Variants in LCN9 observed in about 807,000 individuals in gnomAD.
The protein encoded by LCN9 is lipocalin 9, also known as epididymal-specific lipocalin-9.
In LCN9, 22 loss-of-function variants were observed where a neutral mutation model predicts 18.5. The observed-to-expected ratio is 1.19, with a 90% CI of 0.85 to 1.70. LCN9 has a LOEUF of 1.70. LCN9 is among the 40% of genes most tolerant of loss of function. The pLI, the probability that LCN9 is intolerant of heterozygous loss-of-function variation, is 0.00. For synonymous variants in LCN9, 89 were observed against 83.0 expected (o/e 1.07, Z -0.39); for missense variants, 202 against 201.3 (o/e 1.00, Z -0.02).
chr9:135,665,323 A>G lies in LCN9; in HGVS notation c.386A>G (p.Asn129Ser), dbSNP rs1834199932. 6 of 1,593,580 alleles carry G rather than the reference A, an allele frequency of 3.8e-6. No individual in the cohort carries two copies. The highest frequency in any genetic ancestry group is 5.1e-6 in the Non-Finnish European group (6 of 1,171,304). The stretch of plus-strand genomic sequence containing the variant: ...ACCTTCCACCTCCAGAACTTCAGGA[A>G]CGGGACCGAGACCCACACGCTGGCG... The change falls in exon 4 of 6, where the codon AAC (asparagine) becomes AGC (serine). Residue 129 changes from asparagine to serine, a missense_variant. By Grantham distance (46) the Asn-to-Ser change is conservative. Transcript: ENST00000619315. This position sits in a 1 kb window ranked among gnomAD's most constrained non-coding sequence, Gnocchi z 5.9.
rs117500460 is a variant in LCN9 at position 135,664,386 on chromosome 9, G to A, written c.233+88G>A. ...CTCTCACTCTTGCACACACACGCTC[G>A]CACACTCACTGACTTGCACTCTGGT... On this transcript the variant is annotated intron_variant, in intron 2 of 5. Coordinates refer to ENST00000619315, the Ensembl canonical transcript of LCN9. This position sits in a 1 kb window ranked among gnomAD's most constrained non-coding sequence, Gnocchi z 4.5. 3.2e-3 allele frequency: 4,829 copies of A among 1,508,040 alleles called. 4 individuals carry two copies. The highest frequency in any genetic ancestry group is 3.7e-3 in the Non-Finnish European group (4,012 of 1,096,754). 93.4% of individuals were successfully genotyped at this position (1,508,040 alleles called of 1,614,324 possible). A position where few individuals can be genotyped will look rare whatever the true frequency, so the allele number is the denominator to read the frequency against.
chr9:135,665,738 A>G lies in LCN9; in HGVS notation c.469A>G (p.Thr157Ala). 6.2e-7 allele frequency: 1 copy of G among 1,613,496 alleles called. No individual in the cohort carries two copies. Among genetic ancestry groups the G allele is most frequent in the East Asian group, 2.2e-5 (1 of 44,866 alleles). The change falls in exon 5 of 6, where the codon ACT becomes GCT. Residue 157 changes from threonine (T) to alanine (A), a missense_variant. Thr to Ala is a moderately conservative substitution (Grantham distance 58, BLOSUM62 0). Coordinates refer to ENST00000619315, the Ensembl canonical transcript of LCN9. The surrounding 1 kb of genome is among the most constrained non-coding windows in gnomAD (Gnocchi z 5.9). ...GGACTTGGCTCACAAAATATCATCG[A>G]CTTGACCAACAAAGGTCAGCCCCAC... is the stretch of plus-strand genomic sequence containing the variant.
exon 6 of LCN9, chr9:135,666,234 G>T: frequency 3.1e-6 from 4 of 1,276,454 alleles, no homozygotes; most frequent in Non-Finnish European, 4.3e-6. Context: ...CCCGAGGTCC[G>T]CAGGGCTGTG....
At chr9:135,663,353 G>T (rs1338754942) in exon 1 of LCN9, 1 of 1,613,950 alleles carries the variant, frequency 6.2e-7, no homozygotes. Context: ...CTGGGGCTGA[G>T]CCTCATCGCA....
At position 135,665,149 on chromosome 9, in the gene LCN9, A is replaced by T. The variant is rs1002587310; in HGVS notation, c.308-96A>T. On this transcript the variant is annotated intron_variant, in intron 3 of 5. Coordinates refer to ENST00000619315, the Ensembl canonical transcript of LCN9. The surrounding 1 kb of genome is among the most constrained non-coding windows in gnomAD (Gnocchi z 5.9). ...TCCTCCCCTCCCGCCTCAAAAGGCC[A>T]CTTGACCCCCCATCCTCACTTGCGG... is the stretch of plus-strand genomic sequence containing the variant. 10 of 877,662 alleles carry T rather than the reference A, an allele frequency of 1.1e-5. No individual in the cohort carries two copies. In the African/African-American group the frequency reaches 1.7e-4, roughly 15 times the overall value. 54.4% of individuals were successfully genotyped at this position (877,662 alleles called of 1,614,324 possible). A position where few individuals can be genotyped will look rare whatever the true frequency, so the allele number is the denominator to read the frequency against.
At position 135,665,426 on chromosome 9, in the gene LCN9, G is replaced by A. The variant is rs1323915053; in HGVS notation, c.418+71G>A. 4.9e-5 allele frequency: 62 copies of A among 1,269,418 alleles called. 1 individual carries two copies. Among genetic ancestry groups the A allele is most frequent in the South Asian group, 1.0e-4 (8 of 78,470 alleles). The allele number at this position is 1,269,418 out of a possible 1,614,324, so 78.6% of individuals were successfully genotyped here. A position where few individuals can be genotyped will look rare whatever the true frequency, so the allele number is the denominator to read the frequency against. On this transcript the variant is annotated intron_variant, in intron 4 of 5. Coordinates refer to ENST00000619315, the Ensembl canonical transcript of LCN9. This position sits in a 1 kb window ranked among gnomAD's most constrained non-coding sequence, Gnocchi z 5.9. ...TCTGAAGTCCGGCCCAACCCTGGGC[G>A]GAGGAGGGTCTCGCAGTGGCCCTGG...
Position 135,663,433 on chromosome 9 carries a change from G to A in LCN9, c.96+16G>A, listed in dbSNP as rs758126255. On this transcript the variant is annotated intron_variant, in intron 1 of 5. Transcript: ENST00000619315. Reference sequence around the variant, plus strand: ...CGTGGCCAGGGTGTGTCTGCGTTGGGGTCTGTGGGGAAGGGGCCAGGCTTC... The same window carrying A: ...CGTGGCCAGGGTGTGTCTGCGTTGGAGTCTGTGGGGAAGGGGCCAGGCTTC... The A allele has an allele frequency of 9.3e-6, 15 of 1,610,484 alleles. No homozygotes were observed. Among genetic ancestry groups the A allele is most frequent in the Admixed American group, 8.3e-5 (5 of 59,982 alleles).
Position 135,664,605 on chromosome 9 carries a change from G to A in LCN9, c.234-117G>A. On this transcript the variant is annotated intron_variant, in intron 2 of 5. Transcript: ENST00000619315. The surrounding 1 kb of genome is among the most constrained non-coding windows in gnomAD (Gnocchi z 4.5). ...CCCAGCCCAAGAACTTGGGGCTGTGGAATGAGGCCTGGGCATTGGGAGGGT... is the reference window on the plus strand; with the variant it reads ...CCCAGCCCAAGAACTTGGGGCTGTGAAATGAGGCCTGGGCATTGGGAGGGT... 1 of 963,040 alleles carries A rather than the reference G, an allele frequency of 1.0e-6. No homozygotes were observed. The allele number at this position is 963,040 out of a possible 1,614,324, so 59.7% of individuals were successfully genotyped here.
chr9:135,665,130 C>T lies in LCN9; in HGVS notation c.308-115C>T, dbSNP rs570102488. On this transcript the variant is annotated intron_variant, in intron 3 of 5. Transcript: ENST00000619315. The surrounding 1 kb of genome is among the most constrained non-coding windows in gnomAD (Gnocchi z 5.9). ...CTGGGTGAGCACCGTGGGCTCCTCCCCTCCCGCCTCAAAAGGCCACTTGAC... is the reference window on the plus strand; with the variant it reads ...CTGGGTGAGCACCGTGGGCTCCTCCTCTCCCGCCTCAAAAGGCCACTTGAC... The T allele has an allele frequency of 9.3e-6, 7 of 754,988 alleles. No homozygotes were observed. Among genetic ancestry groups the T allele is most frequent in the South Asian group, 3.1e-5 (2 of 63,576 alleles). The allele number at this position is 754,988 out of a possible 1,614,324, so 46.8% of individuals were successfully genotyped here.
In LCN9 at chr9:135,665,866, T is replaced by C. The variant is rs752321732; in HGVS notation, c.*15T>C. The C allele has an allele frequency of 1.9e-6, 3 of 1,612,916 alleles. No homozygotes were observed. Among genetic ancestry groups the C allele is most frequent in the Non-Finnish European group, 2.5e-6 (3 of 1,179,540 alleles). On this transcript the variant is annotated 3_prime_UTR_variant, in exon 6 of 6. Transcript: ENST00000619315. This position sits in a 1 kb window ranked among gnomAD's most constrained non-coding sequence, Gnocchi z 5.9. ...AGCCCCCTCTGTCCTTCCAGATCCCTGCTACTCCAAGCATTACAGGAGCCC... is the reference window on the plus strand; with the variant it reads ...AGCCCCCTCTGTCCTTCCAGATCCCCGCTACTCCAAGCATTACAGGAGCCC...
In LCN9 at chr9:135,664,442, G is replaced by C; in HGVS notation, c.233+144G>C. On this transcript the variant is annotated intron_variant, in intron 2 of 5. Transcript: ENST00000619315. This position sits in a 1 kb window ranked among gnomAD's most constrained non-coding sequence, Gnocchi z 4.5. ...CCTGAGCCTGTGCGTGTGACCCTTGGGGGCAGGGTGAGGTGGGAGCAGGGA... is the reference window on the plus strand; with the variant it reads ...CCTGAGCCTGTGCGTGTGACCCTTGCGGGCAGGGTGAGGTGGGAGCAGGGA... The C allele has an allele frequency of 8.9e-7, 1 of 1,120,402 alleles. No individual in the cohort carries two copies. Among genetic ancestry groups the C allele is most frequent in the East Asian group, 2.4e-5 (1 of 42,346 alleles). The allele number at this position is 1,120,402 out of a possible 1,614,324, so 69.4% of individuals were successfully genotyped here. A position where few individuals can be genotyped will look rare whatever the true frequency, so the allele number is the denominator to read the frequency against.
At chr9:135,666,916 G>GCC (rs538438156) in exon 6 of LCN9, among the ~76,000 whole-genome samples, 21 of 151,784 alleles carry the variant, frequency 1.4e-4, no homozygotes, top group Admixed American at 1.0e-3. Context: ...AGGTGCCTGC[G>GCC]CCCCCGCCTC....
chr9:135,666,245 C>A, exon 6 of LCN9: 2 of 1,148,536 alleles, frequency 1.7e-6, no homozygotes, highest in South Asian at 1.5e-5. Context: ...CAGGGCTGTG[C>A]TCCCTCCACC....
chr9:135,664,797 T>A lies in LCN9; in HGVS notation c.307+2T>A. On this transcript the variant is annotated splice_donor_variant, in intron 3 of 5. Coordinates refer to ENST00000619315, the Ensembl canonical transcript of LCN9. LOFTEE classifies it high-confidence loss of function. This position sits in a 1 kb window ranked among gnomAD's most constrained non-coding sequence, Gnocchi z 4.5. ...AGAATGGGGAATACTCCATCAACTG[T>A]AAGTGGAAGCCAGGCTCCTCCTGGT... 6.3e-7 allele frequency: 1 copy of A among 1,580,002 alleles called. No individual in the cohort carries two copies.
Position 135,664,057 on chromosome 9 carries a change from G to C in LCN9, c.97-105G>C. On this transcript the variant is annotated intron_variant, in intron 1 of 5. Coordinates refer to ENST00000619315, the Ensembl canonical transcript of LCN9. The surrounding 1 kb of genome is among the most constrained non-coding windows in gnomAD (Gnocchi z 4.5). ...GGAAGGGCGGAGGGGTTCTGGTTGGGAGCCAGATGCTAAGGGGCCGGGCCC... is the reference window on the plus strand; with the variant it reads ...GGAAGGGCGGAGGGGTTCTGGTTGGCAGCCAGATGCTAAGGGGCCGGGCCC... The C allele has an allele frequency of 7.9e-7, 1 of 1,263,274 alleles. No homozygotes were observed. The allele number at this position is 1,263,274 out of a possible 1,614,324, so 78.3% of individuals were successfully genotyped here.
At position 135,664,252 on chromosome 9, in the gene LCN9, A is replaced by G. The variant is rs757523525; in HGVS notation, c.187A>G (p.Ile63Val). 106 of 1,613,726 alleles carry G rather than the reference A, an allele frequency of 6.6e-5. No homozygotes were observed. The highest frequency in any genetic ancestry group is 8.7e-5 in the Non-Finnish European group (103 of 1,179,818). Residue 63 changes from isoleucine (I) to valine (V), a missense_variant, in exon 2 of 6, where the codon ATT becomes GTT. Transcript: ENST00000619315. This position sits in a 1 kb window ranked among gnomAD's most constrained non-coding sequence, Gnocchi z 4.5. ...AGACCTGAGGGTCTTCGTCCGGAAT[A>G]TTGAACACTTGAAGAACGGCAGCCT...
exon 1 of LCN9, chr9:135,663,339 G>A: frequency 6.2e-7 from 1 of 1,613,792 alleles, no homozygotes. Context: ...TGCTTCTGCT[G>A]AGCCTGGGGC....
Position 135,664,916 on chromosome 9 carries a change from C to G in LCN9, c.307+121C>G. Reference sequence around the variant, plus strand: ...TTAGTTAAGCCCCTGACAGCTTGACCCTGAACTGGAGGGACCCATCCTGGC... The same window carrying G: ...TTAGTTAAGCCCCTGACAGCTTGACGCTGAACTGGAGGGACCCATCCTGGC... On this transcript the variant is annotated intron_variant, in intron 3 of 5. Transcript: ENST00000619315. This position sits in a 1 kb window ranked among gnomAD's most constrained non-coding sequence, Gnocchi z 4.5. 1 of 1,100,084 alleles carries G rather than the reference C, an allele frequency of 9.1e-7. No homozygotes were observed. Among genetic ancestry groups the G allele is most frequent in the Non-Finnish European group, 1.3e-6 (1 of 764,388 alleles). 68.1% of individuals were successfully genotyped at this position (1,100,084 alleles called of 1,614,324 possible).
At chr9:135,666,167 G>C (rs376566796) in exon 6 of LCN9, 1 of 1,561,076 alleles carries the variant, frequency 6.4e-7, no homozygotes, top group South Asian at 1.2e-5. Context: ...CACCATATGC[G>C]GGTGACTAGG....
Sources: gnomAD v4.1 joint callset for allele counts (sites outside exome capture counted in the v4.1 genomes callset) on GRCh38, gnomAD v4.1.1 for gene constraint, Gnocchi (gnomAD v3.1) non-coding constraint, MANE v1.5 for transcripts, NCBI Gene and HGNC (gene_info 2026-07-23, HGNC 2026-07-21) for gene names.